The following RGS6 variants were observed in gnomAD, a reference collection of about 807,000 sequenced individuals.
RGS6 encodes the protein regulator of G-protein signaling 6.
Under a neutral mutation model 78.5 loss-of-function variants are expected in RGS6, and 30 were observed. The ratio of observed to expected loss-of-function variants is 0.38; its 90% CI spans 0.29 to 0.52. The LOEUF is 0.52. RGS6 is among the 20% of genes least tolerant of loss of function. RGS6 has a pLI of 0.85. For missense variants in RGS6, 495 were observed against 609.7 expected, an observed-to-expected ratio of 0.81 and a Z score of 1.98; for synonymous variants, 206 against 206.0, an observed-to-expected ratio of 1.00 and a Z score of 0.00.
chr14:71,995,404 G>A (rs562649486), intron 2 of RGS6, among the ~76,000 whole-genome samples: 4 of 152,326 alleles, frequency 2.6e-5, no homozygotes, highest in African/African-American at 9.6e-5. Context: ...ATTGGAGCCT[G>A]GCCCCTGGCA....
At chr14:72,330,944 C>A (rs556951791) in intron 2 of RGS6, among the ~76,000 whole-genome samples, 210 of 152,276 alleles carry the variant, frequency 1.4e-3, no homozygotes, top group Non-Finnish European at 2.2e-3. Flanking sequence ...TGCAGGGTAC[C>A]TTTGAGGGGC....
chr14:72,153,322 C>T (rs1044354372), intron 2 of RGS6, among the ~76,000 whole-genome samples: 1 of 152,134 alleles, frequency 6.6e-6, no homozygotes, highest in Admixed American at 6.5e-5. Flanking sequence ...GAGTTTAAAG[C>T]AGAACATTGG....
chr14:71,913,688 C>A, the RGS6 span, among the ~76,000 whole-genome samples: 1 of 152,210 alleles, frequency 6.6e-6, no homozygotes. Flanking sequence ...TTATTGCTGA[C>A]AAAAGGAGAC....
chr14:72,546,232 T>TCG (rs2097400367), intron 17 of RGS6, among the ~76,000 whole-genome samples: 1 of 152,252 alleles, frequency 6.6e-6, no homozygotes, highest in Admixed American at 6.5e-5. Flanking sequence ...ATGCTTCGCT[T>TCG]CTTATCTTGA....
intron 12 of RGS6, among the ~76,000 whole-genome samples, chr14:72,492,552 G>T (rs1377146743): frequency 6.6e-6 from 1 of 152,174 alleles, no homozygotes; most frequent in Admixed American, 6.5e-5. Context: ...TATGACTTAC[G>T]TCGGGGGAGA....
intron 2 of RGS6, among the ~76,000 whole-genome samples, chr14:72,265,071 G>C (rs974834100): frequency 6.6e-6 from 1 of 152,092 alleles, no homozygotes; most frequent in Non-Finnish European, 1.5e-5. Context: ...TGGAATTAGG[G>C]GATAGTCTTC....
At chr14:72,298,555 C>T (rs1199463447) in intron 2 of RGS6, among the ~76,000 whole-genome samples, 1 of 150,882 alleles carries the variant, frequency 6.6e-6, no homozygotes, top group Admixed American at 6.6e-5. Flanking sequence ...TCACCCCATT[C>T]TCCTGCCTCA....
rs769852120 is a variant in RGS6, at chr14:72,518,411, A to G, written c.1152A>G (p.Val384=). ...KQPLQDVAKR[V]EEIWQEFLAP... ...CCCTACAGGATGTGGCCAAGAGGGT[A>G]GAAGAAATCTGGCAAGAGTTTCTGG... is the stretch of plus-strand genomic sequence containing the variant. Residue 384 remains valine (V), a synonymous_variant, in exon 15 of 18, where the codon GTA becomes GTG. Transcript: ENST00000553525. 3.7e-6 allele frequency: 6 copies of G among 1,614,240 alleles called. No individual in the cohort carries two copies. The highest frequency in any genetic ancestry group is 5.1e-6 in the Non-Finnish European group (6 of 1,180,036).
intron 2 of RGS6, among the ~76,000 whole-genome samples, chr14:71,977,743 C>T (rs7152075): frequency 0.1 from 15,417 of 150,948 alleles, 1,068 homozygotes; most frequent in East Asian, 0.2. Context: ...CTTGGCGATG[C>T]GGGCTCTTTT....
At chr14:71,932,130 C>G (rs1486005723), upstream of RGS6, among the ~76,000 whole-genome samples, 1 of 152,194 alleles carries the variant, frequency 6.6e-6, no homozygotes, top group African/African-American at 2.4e-5. Flanking sequence ...CCCGGTCGAG[C>G]CAGTCTCTCG....
intron 12 of RGS6, among the ~76,000 whole-genome samples, chr14:72,492,447 G>A (rs894713447): frequency 1.3e-5 from 2 of 152,190 alleles, no homozygotes; most frequent in Non-Finnish European, 2.9e-5. Context: ...CAAGGGAGAA[G>A]GGAGCGAGTG....
At chr14:72,574,311 G>A in the RGS6 span, among the ~76,000 whole-genome samples, 1 of 152,180 alleles carries the variant, frequency 6.6e-6, no homozygotes, top group Middle Eastern at 3.2e-3. Context: ...AGTGTTCTGT[G>A]ACTTTCCCCA....
intron 2 of RGS6, among the ~76,000 whole-genome samples, chr14:72,184,427 AAGAG>A (rs1269151888): frequency 3.5e-5 from 5 of 143,630 alleles, no homozygotes; most frequent in African/African-American, 1.3e-4. Context: ...GAGGGAGAGA[AAGAG>A]AGAGAAGCCC....
At chr14:72,296,704 C>T (rs924812618) in intron 2 of RGS6, among the ~76,000 whole-genome samples, 2 of 152,066 alleles carry the variant, frequency 1.3e-5, no homozygotes, top group African/African-American at 2.4e-5. Context: ...TTGTAAGATA[C>T]AGGTCTGGGA....
intron 3 of RGS6, among the ~76,000 whole-genome samples, chr14:72,413,020 G>C (rs1566778457): frequency 6.6e-6 from 1 of 152,178 alleles, no homozygotes; most frequent in African/African-American, 2.4e-5. Flanking sequence ...GGTGTGGTGT[G>C]GTGCTGAAAA....
At chr14:72,327,208 C>G (rs2074001434) in intron 2 of RGS6, among the ~76,000 whole-genome samples, 1 of 152,082 alleles carries the variant, frequency 6.6e-6, no homozygotes, top group Non-Finnish European at 1.5e-5. Flanking sequence ...TTTAAATTAA[C>G]TTAGATCCCA....
chr14:72,034,312 A>G (rs2091359345), intron 2 of RGS6, among the ~76,000 whole-genome samples: 1 of 151,590 alleles, frequency 6.6e-6, no homozygotes, highest in African/African-American at 2.4e-5. Flanking sequence ...GGATTTTCAT[A>G]TATGGTCTCT....
At chr14:72,562,311 T>G (rs1246686359) in intron 17 of RGS6, 106 bp from the exon 18 acceptor site, 2 of 1,157,490 alleles carry the variant, frequency 1.7e-6, no homozygotes, top group African/African-American at 3.0e-5. Context: ...GGTTGGTCGT[T>G]TGGCCTACAT....
In RGS6 at chr14:71,996,805, G is replaced by T. The variant is rs1191841372; in HGVS notation, c.84+31930G>T. ...GGGAGGAAGGGGGTGGCGGGAGGAA[G>T]TAAAATGATGACGAAGGATGGTACA... On this transcript the variant is annotated intron_variant, in intron 2 of 17. Coordinates refer to ENST00000553525, the MANE Select transcript of RGS6 (RefSeq NM_001204424.2). Among the ~76,000 whole-genome samples, 4 of 152,228 alleles carry T rather than the reference G, an allele frequency of 2.6e-5. No individual in the cohort carries two copies. The East Asian group carries it at 7.7e-4, about 29-fold the overall frequency.
Sources: gnomAD v4.1 joint callset for allele counts (sites outside exome capture counted in the v4.1 genomes callset) on GRCh38, gnomAD v4.1.1 for gene constraint, MANE v1.5 for transcripts, NCBI Gene and HGNC (gene_info 2026-07-23, HGNC 2026-07-21) for gene names.